The following SLC25A48 variants were observed in gnomAD, a reference collection of about 807,000 sequenced individuals.
SLC25A48 encodes the protein CTC-321K16.1.
Under a neutral mutation model 32.2 loss-of-function variants are expected in SLC25A48, and 29 were observed. The ratio of observed to expected loss-of-function variants is 0.90; its 90% CI spans 0.67 to 1.23. The LOEUF is 1.23. SLC25A48 is among the 50% of genes most tolerant of loss of function. The pLI, the probability that SLC25A48 is intolerant of heterozygous loss-of-function variation, is 0.00. For missense variants in SLC25A48, 399 were observed against 422.7 expected (o/e 0.94, Z 0.49); for synonymous variants, 164 against 172.3 (o/e 0.95, Z 0.38).
chr5:135,712,667 T>G (rs1754694940), intron 3 of SLC25A48, among the ~76,000 whole-genome samples: 1 of 152,166 alleles, frequency 6.6e-6, no homozygotes, highest in Non-Finnish European at 1.5e-5. Context: ...AAGATCAGCT[T>G]CCTCCCCTTG....
intron 3 of SLC25A48, among the ~76,000 whole-genome samples, chr5:135,666,450 G>A (rs953324983): frequency 1.3e-5 from 2 of 152,106 alleles, no homozygotes; most frequent in South Asian, 2.1e-4. Flanking sequence ...AGCAGGCTAG[G>A]GTAAGGATTG....
intron 6 of SLC25A48, chr5:135,874,548 C>A (rs371251850): frequency 1.7e-6 from 1 of 572,250 alleles, no homozygotes. Context: ...AGTGCCAGAG[C>A]TGCCTTGCCT....
intron 1 of SLC25A48, among the ~76,000 whole-genome samples, chr5:135,584,716 C>T (rs1422649880): frequency 3.3e-5 from 5 of 152,170 alleles, no homozygotes; most frequent in African/African-American, 1.2e-4. Flanking sequence ...AAGATTTAAA[C>T]TAAATGCCCA....
At chr5:135,723,528 CTT>C (rs375388529) in intron 3 of SLC25A48, among the ~76,000 whole-genome samples, 1 of 119,856 alleles carries the variant, frequency 8.3e-6, no homozygotes. Flanking sequence ...CTGCAGTCCT[CTT>C]TTTTTTTTCA....
chr5:135,735,179 G>A lies in SLC25A48; in HGVS notation c.-520-77344G>A, dbSNP rs920696943. Among the ~76,000 whole-genome samples the A allele has an allele frequency of 9.8e-5, 15 of 152,308 alleles. No homozygotes were observed. In the South Asian group the frequency reaches 1.7e-3, roughly 17 times the overall value. ...GGGGGTCCTGGAGCAATGCCTGGCC[G>A]CTGCGGTTTAGGTGTTTGGAAGTTC... On this transcript the variant is annotated intron_variant, in intron 3 of 10. Transcript: ENST00000646290.
chr5:135,659,600 A>G (rs1753340224), intron 3 of SLC25A48, among the ~76,000 whole-genome samples: 1 of 152,274 alleles, frequency 6.6e-6, no homozygotes, highest in African/African-American at 2.4e-5. Flanking sequence ...CCTTTCTGGT[A>G]CCAATTTTCT....
intron 1 of SLC25A48, among the ~76,000 whole-genome samples, chr5:135,603,271 T>C (rs960875308): frequency 6.6e-6 from 1 of 152,210 alleles, no homozygotes; most frequent in Non-Finnish European, 1.5e-5. Flanking sequence ...CTTTTAGGAA[T>C]TCCAGACACC....
intron 3 of SLC25A48, among the ~76,000 whole-genome samples, chr5:135,721,151 C>T (rs1030379166): frequency 6.1e-5 from 9 of 148,284 alleles, no homozygotes; most frequent in Non-Finnish European, 1.3e-4. Context: ...AAGCGATTCT[C>T]CTGCCTCAGC....
chr5:135,588,001 G>C (rs1370453109), intron 1 of SLC25A48, among the ~76,000 whole-genome samples: 2 of 152,214 alleles, frequency 1.3e-5, no homozygotes, highest in African/African-American at 4.8e-5. Flanking sequence ...CCTGTGTAAG[G>C]CTAGATGTCC....
rs114419588 is a variant in SLC25A48 at position 135,854,087 on chromosome 5, G to A, written c.421+1266G>A. ...TTTCTGAGCAGTAGGTCTCAACAGC[G>A]GACCTAAAATACTCAGGAAACCATG... On this transcript the variant is annotated intron_variant, in intron 4 of 7. Transcript: ENST00000681962. Among the ~76,000 whole-genome samples the A allele has an allele frequency of 6.9e-3, 1,057 of 152,238 alleles. 12 individuals are homozygous for A. Among genetic ancestry groups the A allele is most frequent in the African/African-American group, 0.024 (987 of 41,528 alleles).
intron 3 of SLC25A48, among the ~76,000 whole-genome samples, chr5:135,662,628 G>A (rs1753430528): frequency 6.6e-6 from 1 of 152,148 alleles, no homozygotes; most frequent in South Asian, 2.1e-4. Flanking sequence ...CCTGTTGAAG[G>A]CAGGGGTGAG....
In SLC25A48 at chr5:135,607,589, T is replaced by C. The variant is rs565701726; in HGVS notation, c.-848-21648T>C. 3.9e-5 allele frequency among the ~76,000 whole-genome samples: 6 copies of C among 152,318 alleles called. No homozygotes were observed. The East Asian group carries it at 9.6e-4, about 24-fold the overall frequency. On this transcript the variant is annotated intron_variant, in intron 1 of 10. Coordinates refer to the SLC25A48 transcript ENST00000646290. Reference sequence around the variant, plus strand: ...GAAAAGTGTAGGGTGCATGTTCTGTTGGTGATTGCCTTTAGAAGAAGAGCA... The same window carrying C: ...GAAAAGTGTAGGGTGCATGTTCTGTCGGTGATTGCCTTTAGAAGAAGAGCA...
At chr5:135,712,846 C>T (rs945156140) in intron 3 of SLC25A48, among the ~76,000 whole-genome samples, 1 of 152,212 alleles carries the variant, frequency 6.6e-6, no homozygotes, top group Non-Finnish European at 1.5e-5. Flanking sequence ...GACTCCGTTT[C>T]CCTCCAGTGC....
At chr5:135,791,372 C>A (rs1757027476) in intron 3 of SLC25A48, among the ~76,000 whole-genome samples, 1 of 151,670 alleles carries the variant, frequency 6.6e-6, no homozygotes, top group Non-Finnish European at 1.5e-5. Context: ...TGATGTTACT[C>A]CTAATGTCAC....
intron 3 of SLC25A48, among the ~76,000 whole-genome samples, chr5:135,660,718 G>C (rs563450183): frequency 6.6e-6 from 1 of 150,922 alleles, no homozygotes; most frequent in Non-Finnish European, 1.5e-5. Context: ...ATAGATCTAA[G>C]TATGAAGAAC....
At chr5:135,590,595 G>A (rs1424174570) in intron 1 of SLC25A48, among the ~76,000 whole-genome samples, 1 of 152,148 alleles carries the variant, frequency 6.6e-6, no homozygotes, top group East Asian at 1.9e-4. Context: ...TCAGAGGGCT[G>A]GGGGCTGAGC....
At chr5:135,792,479 G>A (rs2126634264) in intron 3 of SLC25A48, among the ~76,000 whole-genome samples, 1 of 151,720 alleles carries the variant, frequency 6.6e-6, no homozygotes, top group South Asian at 2.1e-4. Flanking sequence ...TAATATCTTA[G>A]GGGGTTGTTA....
At chr5:135,650,567 A>AAAAC (rs149152270) in intron 3 of SLC25A48, 5,489 of 302,844 alleles carry the variant, frequency 0.018, no homozygotes, top group South Asian at 0.033. Flanking sequence ...ACTAAAAAAA[A>AAAAC]AACAACAACA....
intron 1 of SLC25A48, among the ~76,000 whole-genome samples, chr5:135,621,009 T>C (rs1043315489): frequency 6.6e-6 from 1 of 152,220 alleles, no homozygotes; most frequent in Non-Finnish European, 1.5e-5. Context: ...ATTCAAAGTT[T>C]GATTATCTAC....
Sources: allele counts gnomAD v4.1 joint callset (sites outside exome capture counted in the v4.1 genomes callset), GRCh38; gene constraint gnomAD v4.1.1; transcripts MANE v1.5; gene names NCBI Gene and HGNC (gene_info 2026-07-23, HGNC 2026-07-21).